CDH23: variants seen among roughly 807,000 people sequenced by gnomAD.
CDH23 encodes cadherin-23.
CDH23 carries 189 observed loss-of-function variants against 317.1 expected under a neutral mutation model. The observed-to-expected ratio is 0.60, with a 90% confidence interval of 0.53 to 0.67. The LOEUF (loss-of-function observed/expected upper bound fraction) is 0.67, where lower values mean the gene tolerates loss of function less well. CDH23 is among the 30% of genes least tolerant of loss of function. CDH23 has a pLI of 0.00. For synonymous variants in CDH23, 1,839 were observed against 1,876.8 expected (o/e 0.98, Z 0.52); for missense variants, 4,401 against 4,592.4 (o/e 0.96, Z 1.20).
chr10:71,479,361 C>G (rs971506490), intron 3 of CDH23, among the ~76,000 whole-genome samples: 1 of 152,196 alleles, frequency 6.6e-6, no homozygotes, highest in African/African-American at 2.4e-5. Flanking sequence ...AGTGTGGACA[C>G]CTTCAGGAGG....
chr10:71,788,757 A>G (rs1001151336), intron 44 of CDH23, among the ~76,000 whole-genome samples, 183 bp from the exon 45 acceptor site: 3 of 152,078 alleles, frequency 2.0e-5, no homozygotes, highest in African/African-American at 7.2e-5. Context: ...ACCCGGCCAC[A>G]TTTTTTCATG....
intron 9 of CDH23, among the ~76,000 whole-genome samples, chr10:71,590,896 A>AAC (rs1859445151): frequency 2.1e-5 from 2 of 94,270 alleles, no homozygotes; most frequent in Non-Finnish European, 4.0e-5. Flanking sequence ...ACAAAAAAAA[A>AAC]CAAAAAAAAA....
chr10:71,610,712 C>G (rs1023546188), intron 9 of CDH23, among the ~76,000 whole-genome samples: 1 of 150,620 alleles, frequency 6.6e-6, no homozygotes, highest in African/African-American at 2.5e-5. Flanking sequence ...CCCCACCCCC[C>G]GACCCCTGCC....
At chr10:71,440,602 C>T (rs1849828509) in intron 2 of CDH23, among the ~76,000 whole-genome samples, 1 of 152,224 alleles carries the variant, frequency 6.6e-6, no homozygotes, top group South Asian at 2.1e-4. Context: ...GCCTTCCCCT[C>T]TGCCCTCCTT....
At chr10:71,723,937 T>C in intron 28 of CDH23, 108 bp from the exon 29 acceptor site, 1 of 1,264,198 alleles carries the variant, frequency 7.9e-7, no homozygotes, top group Non-Finnish European at 1.1e-6. Context: ...CCACAGGTTT[T>C]GGCAGGATGG....
At chr10:71,619,730 G>A (rs1861375211) in intron 11 of CDH23, among the ~76,000 whole-genome samples, 1 of 152,212 alleles carries the variant, frequency 6.6e-6, no homozygotes, top group South Asian at 2.1e-4. Flanking sequence ...GATGTGTGCA[G>A]TGGGGAGGTA....
chr10:71,812,287 C>T lies in CDH23; in HGVS notation c.9381-193C>T, dbSNP rs999570035. 1.9e-6 allele frequency: 3 copies of T among 1,598,860 alleles called. No individual in the cohort carries two copies. The African/African-American group carries it at 4.0e-5, about 21-fold the overall frequency. Reference sequence around the variant, plus strand: ...GCCTCTGCACCAAAGGCAATCCAGACTGACATGCGGTCCTGGTTCCAGCAG... The same window carrying T: ...GCCTCTGCACCAAAGGCAATCCAGATTGACATGCGGTCCTGGTTCCAGCAG... On this transcript the variant is annotated intron_variant, in intron 66 of 69. Transcript: ENST00000224721.
intron 11 of CDH23, among the ~76,000 whole-genome samples, chr10:71,631,902 G>A (rs75912414): frequency 0.019 from 2,833 of 152,292 alleles, 186 homozygotes; most frequent in East Asian, 0.16. Context: ...CTATTGCCCT[G>A]TGCTGCATAA....
chr10:71,521,285 C>T (rs377093972), intron 6 of CDH23, among the ~76,000 whole-genome samples: 2 of 152,190 alleles, frequency 1.3e-5, no homozygotes, highest in South Asian at 2.1e-4. Flanking sequence ...CCCGGAGAGT[C>T]GTGGGCTCAG....
intron 34 of CDH23, chr10:71,737,645 G>A (rs1276466366): frequency 4.3e-6 from 2 of 465,154 alleles, no homozygotes; most frequent in Non-Finnish European, 8.8e-6. Context: ...GGGCAGGGCA[G>A]TGGGAGAAGG....
rs1392869129 is a variant in CDH23, at chr10:71,417,505, T to C, written c.-6+20187T>C. ...CGGTCATTTTATTTTCAACTATTGCTTCTGACTTAATCTCTCTCTTTCTTC... is the reference window on the plus strand; with the variant it reads ...CGGTCATTTTATTTTCAACTATTGCCTCTGACTTAATCTCTCTCTTTCTTC... On this transcript the variant is annotated intron_variant, in intron 1 of 69. Transcript: ENST00000224721. Among the ~76,000 whole-genome samples the C allele has an allele frequency of 4.6e-5, 7 of 152,244 alleles. No homozygotes were observed. In the South Asian group the frequency reaches 1.4e-3, roughly 31 times the overall value.
chr10:71,809,174 T>C (rs1280228587), intron 60 of CDH23, among the ~76,000 whole-genome samples: 1 of 125,024 alleles, frequency 8.0e-6, no homozygotes, highest in African/African-American at 3.0e-5. Flanking sequence ...TTCCTTTTTT[T>C]TTTTTTTTTT....
intron 3 of CDH23, among the ~76,000 whole-genome samples, chr10:71,505,280 A>G (rs1233781061): frequency 2.0e-5 from 3 of 152,176 alleles, no homozygotes; most frequent in African/African-American, 4.8e-5. Flanking sequence ...CTGTTTACCT[A>G]CCTTATCCAC....
intron 6 of CDH23, among the ~76,000 whole-genome samples, chr10:71,539,353 G>C (rs1366515089): frequency 6.6e-6 from 1 of 152,072 alleles, no homozygotes. Flanking sequence ...CTCCCTCCTG[G>C]CTCCTTCCAG....
intron 27 of CDH23, among the ~76,000 whole-genome samples, chr10:71,710,993 G>C (rs1589359811): frequency 6.6e-6 from 1 of 152,282 alleles, no homozygotes; most frequent in East Asian, 1.9e-4. Context: ...GGGTGCTCCT[G>C]GTCCTCCCAG....
intron 1 of CDH23, among the ~76,000 whole-genome samples, chr10:71,407,445 A>C (rs1308830555): frequency 6.6e-6 from 1 of 152,180 alleles, no homozygotes; most frequent in East Asian, 1.9e-4. Context: ...CATGGGAGTG[A>C]ATGAGGTGGA....
At chr10:71,460,220 C>G (rs1850910564) in intron 3 of CDH23, among the ~76,000 whole-genome samples, 3 of 152,340 alleles carry the variant, frequency 2.0e-5, no homozygotes, top group African/African-American at 7.2e-5. Context: ...GGAGAAACTT[C>G]CAGCCCAGGG....
intron 38 of CDH23, among the ~76,000 whole-genome samples, chr10:71,775,538 G>T (rs1031321030): frequency 2.6e-5 from 4 of 152,164 alleles, no homozygotes; most frequent in Non-Finnish European, 5.9e-5. Context: ...CAAGGACCAT[G>T]GTCCAGAAAC....
At chr10:71,653,135 G>C (rs561916509) in intron 14 of CDH23, among the ~76,000 whole-genome samples, 6 of 152,020 alleles carry the variant, frequency 3.9e-5, no homozygotes, top group Non-Finnish European at 8.8e-5. Flanking sequence ...TTTTCCTCCT[G>C]GTCCAGCCCA....
Sources: gnomAD v4.1 joint callset for allele counts (sites outside exome capture counted in the v4.1 genomes callset) on GRCh38, gnomAD v4.1.1 for gene constraint, MANE v1.5 for transcripts, NCBI Gene and HGNC (gene_info 2026-07-23, HGNC 2026-07-21) for gene names.